The following EPB41L4B variants were observed in gnomAD, a reference collection of about 807,000 sequenced individuals.
EPB41L4B encodes the protein band 4.1-like protein 4B.
In EPB41L4B, 30 loss-of-function variants were observed where a neutral mutation model predicts 112.5. The observed-to-expected ratio is 0.27, with a 90% CI of 0.20 to 0.36. The LOEUF is 0.36. EPB41L4B is among the 10% of genes least tolerant of loss of function. The probability of loss-of-function intolerance (pLI) is 1.00; values close to 1 mark genes in which losing one functional copy is unlikely to be tolerated. For missense variants in EPB41L4B, 1,024 were observed against 1,133.3 expected, an observed-to-expected ratio of 0.90 and a Z score of 1.38; for synonymous variants, 408 against 439.7, an observed-to-expected ratio of 0.93 and a Z score of 0.90.
intron 1 of EPB41L4B, among the ~76,000 whole-genome samples, chr9:109,313,632 G>T (rs1409576161): frequency 6.6e-6 from 1 of 152,222 alleles, no homozygotes; most frequent in Non-Finnish European, 1.5e-5. Flanking sequence ...TGGTGAGGAG[G>T]GTCAGAGTGC....
At chr9:109,288,654 C>T (rs144392224) in intron 1 of EPB41L4B, among the ~76,000 whole-genome samples, 6 of 133,342 alleles carry the variant, frequency 4.5e-5, no homozygotes, top group Admixed American at 8.8e-5. Flanking sequence ...ACCCAAAAGG[C>T]GGAGCTTGCA....
intron 17 of EPB41L4B, among the ~76,000 whole-genome samples, chr9:109,209,646 C>CA (rs34135848): frequency 0.29 from 39,605 of 134,458 alleles, 5,893 homozygotes; most frequent in East Asian, 0.39. Flanking sequence ...AACCCTGTCT[C>CA]AAAAAAAAAA....
At chr9:109,177,394 G>T (rs1240431234) in intron 24 of EPB41L4B, among the ~76,000 whole-genome samples, 1 of 152,182 alleles carries the variant, frequency 6.6e-6, no homozygotes, top group African/African-American at 2.4e-5. Context: ...TCTTCTGGAG[G>T]AATTACAATA....
chr9:109,280,022 G>A (rs528069379), intron 1 of EPB41L4B, 101 bp from the exon 2 acceptor site: 1 of 742,994 alleles, frequency 1.3e-6, no homozygotes, highest in African/African-American at 1.8e-5. Flanking sequence ...TTGCATACAT[G>A]TCAGCACACA....
At position 109,218,126 on chromosome 9, in the gene EPB41L4B, C is replaced by CTTTTTTT. The variant is rs10654240; in HGVS notation, c.1410-988_1410-982dup. Among the ~76,000 whole-genome samples, 50 of 106,564 alleles carry CTTTTTTT rather than the reference C, an allele frequency of 4.7e-4. 2 individuals carry two copies. Among genetic ancestry groups the CTTTTTTT allele is most frequent in the African/African-American group, 1.1e-3 (28 of 26,262 alleles). 69.9% of individuals were successfully genotyped at this position (106,564 alleles called of 152,430 possible). A position where few individuals can be genotyped will look rare whatever the true frequency, so the allele number is the denominator to read the frequency against. ...GAATATATCTCTAATACTAATAATT[C>CTTTTTTT]TTTTTTTTTTTTTTTTTTTGGCAGT... On this transcript the variant is annotated intron_variant, in intron 15 of 25. Transcript: ENST00000374566.
chr9:109,249,506 A>ATTTTTTTTTTTTTTTTTTTTTT (rs201271741), intron 13 of EPB41L4B, among the ~76,000 whole-genome samples: 1 of 141,524 alleles, frequency 7.1e-6, no homozygotes. Context: ...TTTGGGCAGA[A>ATTTTTTTTTTTTTTTTTTTTTT]TTTTTTTTTT....
At chr9:109,289,945 A>G (rs547000935) in intron 1 of EPB41L4B, among the ~76,000 whole-genome samples, 1 of 152,338 alleles carries the variant, frequency 6.6e-6, no homozygotes, top group African/African-American at 2.4e-5. Flanking sequence ...AGTGATTGAT[A>G]CCTGTTTTAC....
chr9:109,243,861 G>C (rs971862375), intron 14 of EPB41L4B, among the ~76,000 whole-genome samples, 179 bp from the exon 15 acceptor site: 3 of 152,204 alleles, frequency 2.0e-5, no homozygotes, highest in African/African-American at 7.2e-5. Flanking sequence ...CTCTGACAAA[G>C]GCTGGGGGCT....
At chr9:109,188,538 T>C (rs553628017) in intron 22 of EPB41L4B, among the ~76,000 whole-genome samples, 6 of 152,294 alleles carry the variant, frequency 3.9e-5, no homozygotes, top group East Asian at 1.9e-4. Flanking sequence ...ACTAAATAGA[T>C]TTCTCTCCAC....
At chr9:109,301,302 T>G (rs1287474013) in intron 1 of EPB41L4B, 2 of 152,170 alleles carry the variant, frequency 1.3e-5, no homozygotes, top group Non-Finnish European at 2.9e-5. Context: ...ATCAACACTG[T>G]GTATCATCTT....
chr9:109,256,723 A>G (rs1834997028), intron 7 of EPB41L4B, among the ~76,000 whole-genome samples: 1 of 152,250 alleles, frequency 6.6e-6, no homozygotes, highest in South Asian at 2.1e-4. Flanking sequence ...TTGGTGGATC[A>G]CTTGAGGTCA....
At chr9:109,216,028 C>G (rs979759869) in intron 16 of EPB41L4B, among the ~76,000 whole-genome samples, 6 of 152,228 alleles carry the variant, frequency 3.9e-5, no homozygotes, top group Admixed American at 3.9e-4. Context: ...GGACCCATAA[C>G]AGTAGACAGA....
chr9:109,305,113 T>C (rs1564333662), intron 1 of EPB41L4B, among the ~76,000 whole-genome samples: 1 of 150,852 alleles, frequency 6.6e-6, no homozygotes, highest in Non-Finnish European at 1.5e-5. Flanking sequence ...TACTATAACA[T>C]GTGCTAGGTC....
intron 8 of EPB41L4B, 34 bp downstream of exon 8, chr9:109,256,358 CA>C (rs1214621248): frequency 1.2e-6 from 2 of 1,606,614 alleles, no homozygotes; most frequent in African/African-American, 2.7e-5. Flanking sequence ...TCAGTAACAG[CA>C]AAACCAAATT....
intron 15 of EPB41L4B, among the ~76,000 whole-genome samples, chr9:109,239,500 T>C (rs550312717): frequency 2.0e-5 from 3 of 152,210 alleles, no homozygotes; most frequent in Admixed American, 6.5e-5. Context: ...AAGACTTGGG[T>C]AGACTGTGGT....
intron 24 of EPB41L4B, among the ~76,000 whole-genome samples, chr9:109,178,739 GC>G (rs1477573939): frequency 2.0e-5 from 3 of 151,906 alleles, no homozygotes; most frequent in Non-Finnish European, 4.4e-5. Flanking sequence ...ACTGCACCCA[GC>G]CTTTGATGCC....
intron 2 of EPB41L4B, among the ~76,000 whole-genome samples, chr9:109,269,715 G>A (rs1471142872): frequency 3.3e-5 from 5 of 152,120 alleles, no homozygotes; most frequent in African/African-American, 7.2e-5. Flanking sequence ...TTAGAAAGAC[G>A]GCTGGGGTGA....
At chr9:109,194,555 TCTGA>T (rs1315892332) in intron 20 of EPB41L4B, among the ~76,000 whole-genome samples, 158 bp from the exon 21 acceptor site, 6 of 152,332 alleles carry the variant, frequency 3.9e-5, no homozygotes, top group African/African-American at 9.6e-5. Flanking sequence ...GATCCAATAC[TCTGA>T]CTTTTTTGCC....
At chr9:109,288,569 A>G (rs1389265252) in intron 1 of EPB41L4B, among the ~76,000 whole-genome samples, 2 of 151,656 alleles carry the variant, frequency 1.3e-5, no homozygotes, top group African/African-American at 4.8e-5. Context: ...ACAAAATACA[A>G]AAAATTAGCT....
Sources: allele counts gnomAD v4.1 joint callset (sites outside exome capture counted in the v4.1 genomes callset), GRCh38; gene constraint gnomAD v4.1.1; transcripts MANE v1.5; gene names NCBI Gene and HGNC (gene_info 2026-07-23, HGNC 2026-07-21).